Variants in PRXL2A observed in about 807,000 individuals in gnomAD.
PRXL2A encodes peroxiredoxin-like 2A.
A neutral mutation model predicts 25.6 loss-of-function variants in PRXL2A; 26 were observed. The ratio of observed to expected loss-of-function variants is 1.02; its 90% CI spans 0.74 to 1.41. The LOEUF (loss-of-function observed/expected upper bound fraction) is 1.41. Among genes scored for constraint, PRXL2A ranks in the 40% most tolerant of loss-of-function variants. The pLI is 0.00. For synonymous variants in PRXL2A, 98 were observed against 102.9 expected (o/e 0.95, Z 0.29); for missense variants, 246 against 273.9 (o/e 0.90, Z 0.72).
chr10:80,413,494 A>G (rs1431337268), intron 1 of PRXL2A, among the ~76,000 whole-genome samples: 1 of 152,130 alleles, frequency 6.6e-6, no homozygotes, highest in Non-Finnish European at 1.5e-5. Context: ...AGAAAAGGAC[A>G]TCTTCTTTTA....
intron 2 of PRXL2A, 26 bp from the exon 3 acceptor site, chr10:80,422,390 AT>A (rs770653899): frequency 6.3e-7 from 1 of 1,577,750 alleles, no homozygotes; most frequent in African/African-American, 1.3e-5. Context: ...GGGAGGAGAT[AT>A]CGAATTTCTT....
At chr10:80,424,599 C>T (rs1031057310) in intron 3 of PRXL2A, among the ~76,000 whole-genome samples, 19 of 148,992 alleles carry the variant, frequency 1.3e-4, no homozygotes, top group Non-Finnish European at 1.2e-4. Context: ...GGTGCAGTGG[C>T]TCACACCTGT....
intron 1 of PRXL2A, among the ~76,000 whole-genome samples, chr10:80,410,977 A>G (rs1844460818): frequency 6.6e-6 from 1 of 152,204 alleles, no homozygotes; most frequent in Non-Finnish European, 1.5e-5. Flanking sequence ...ATCTATTCAG[A>G]GGTTTCTGAA....
chr10:80,412,902 A>G (rs1844521126), intron 1 of PRXL2A, among the ~76,000 whole-genome samples: 2 of 152,170 alleles, frequency 1.3e-5, no homozygotes, highest in Non-Finnish European at 2.9e-5. Context: ...CGCTCTGACT[A>G]CGGCTTGGAA....
chr10:80,420,088 G>T, intron 1 of PRXL2A: 1 of 988,562 alleles, frequency 1.0e-6, no homozygotes, highest in Non-Finnish European at 1.2e-6. Context: ...AGGCATTGAT[G>T]AGGAGGGGAA....
At chr10:80,425,184 A>G (rs907178043) in intron 3 of PRXL2A, among the ~76,000 whole-genome samples, 3 of 152,368 alleles carry the variant, frequency 2.0e-5, no homozygotes, top group East Asian at 1.9e-4. Context: ...AAGCTTTACC[A>G]TGACTCATGC....
intron 3 of PRXL2A, among the ~76,000 whole-genome samples, chr10:80,423,879 C>T (rs965550094): frequency 6.6e-6 from 1 of 152,222 alleles, no homozygotes; most frequent in Non-Finnish European, 1.5e-5. Flanking sequence ...TGCATTCCTT[C>T]TGAAGACTAT....
chr10:80,422,386 A>G, intron 2 of PRXL2A, 31 bp from the exon 3 acceptor site: 1 of 1,543,932 alleles, frequency 6.5e-7, no homozygotes, highest in Non-Finnish European at 9.0e-7. Context: ...GGCTGGGAGG[A>G]GATATCGAAT....
chr10:80,413,510 G>A (rs73305108), intron 1 of PRXL2A, among the ~76,000 whole-genome samples: 5,117 of 152,264 alleles, frequency 0.034, 283 homozygotes, highest in African/African-American at 0.12. Flanking sequence ...TTTTATTTGC[G>A]CTAGTATGAC....
chr10:80,428,965 G>A (rs1252265713), intron 5 of PRXL2A, among the ~76,000 whole-genome samples: 1 of 151,818 alleles, frequency 6.6e-6, no homozygotes, highest in Non-Finnish European at 1.5e-5. Flanking sequence ...GCAGTGGTGC[G>A]ATCTCGGCTC....
chr10:80,433,916 G>A lies in PRXL2A; in HGVS notation c.*1817G>A, dbSNP rs1171916547. ...GGAAGTCGAGGTAGAAGGATCACTT[G>A]AGGTCAGGAGTTCGAGACCAGCCTG... On this transcript the variant is annotated 3_prime_UTR_variant, in exon 6 of 6. Transcript: ENST00000606162. 1 of 152,266 alleles carries A rather than the reference G, an allele frequency of 6.6e-6. No homozygotes were observed. The highest frequency in any genetic ancestry group is 1.5e-5 in the Non-Finnish European group (1 of 68,082). 9.4% of individuals were successfully genotyped at this position (152,266 alleles called of 1,614,324 possible). A position where few individuals can be genotyped will look rare whatever the true frequency, so the allele number is the denominator to read the frequency against.
intron 1 of PRXL2A, among the ~76,000 whole-genome samples, chr10:80,419,273 C>T (rs1201596654): frequency 6.6e-6 from 1 of 151,238 alleles, no homozygotes. Context: ...CATGACCCAC[C>T]GTGCCCTGCC....
At chr10:80,430,079 T>C (rs1335981676) in intron 5 of PRXL2A, among the ~76,000 whole-genome samples, 1 of 137,960 alleles carries the variant, frequency 7.2e-6, no homozygotes, top group Non-Finnish European at 1.6e-5. Context: ...ATTGGGGTGG[T>C]GGGGATTTCC....
Position 80,436,015 on chromosome 10 carries a change from C to T in PRXL2A, c.*3916C>T, listed in dbSNP as rs1307633820. 1 of 151,516 alleles carries T rather than the reference C, an allele frequency of 6.6e-6. No individual in the cohort carries two copies. The highest frequency in any genetic ancestry group is 2.4e-5 in the African/African-American group (1 of 41,212). The allele number at this position is 151,516 out of a possible 1,614,324, so 9.4% of individuals were successfully genotyped here. ...TCCTTGCTGTAAAGCTGGTGGTTCT[C>T]AATCTCGGATACACAGTAGAATCAC... is the stretch of plus-strand genomic sequence containing the variant. On this transcript the variant is annotated 3_prime_UTR_variant, in exon 6 of 6. Transcript: ENST00000606162.
intron 3 of PRXL2A, among the ~76,000 whole-genome samples, chr10:80,424,571 CA>C (rs35230786): frequency 1.1e-3 from 143 of 133,078 alleles, no homozygotes; most frequent in Middle Eastern, 4.3e-3. Flanking sequence ...GGGCAAGACT[CA>C]AAAAAAAAAA....
rs1845380470 is a variant in PRXL2A, at chr10:80,435,514, G to A, written c.*3415G>A. On this transcript the variant is annotated 3_prime_UTR_variant, in exon 6 of 6. Coordinates refer to ENST00000606162, the MANE Select transcript of PRXL2A (RefSeq NM_032333.5). ...TTCTTTATGTACAGGGTCTTGCTCT[G>A]TCACCTAGGCTAGAGTGTAATTAGT... The A allele has an allele frequency of 6.6e-6, 1 of 151,538 alleles. No homozygotes were observed. Among genetic ancestry groups the A allele is most frequent in the Non-Finnish European group, 1.5e-5 (1 of 67,970 alleles). The allele number at this position is 151,538 out of a possible 1,614,324, so 9.4% of individuals were successfully genotyped here.
chr10:80,430,130 C>T (rs566742591), intron 5 of PRXL2A, among the ~76,000 whole-genome samples: 3 of 125,130 alleles, frequency 2.4e-5, no homozygotes, highest in African/African-American at 8.7e-5. Flanking sequence ...GACAGAGGTT[C>T]ACTCTTGTTG....
At chr10:80,414,004 G>A (rs1411260255) in intron 1 of PRXL2A, 4 of 387,496 alleles carry the variant, frequency 1.0e-5, no homozygotes, top group Non-Finnish European at 1.5e-5. Flanking sequence ...GGGCGGTGGG[G>A]GCAGTGTTGA....
rs776269790 is a variant in PRXL2A at position 80,420,639 on chromosome 10, G to C, written c.172G>C (p.Glu58Gln). 6.2e-7 allele frequency: 1 copy of C among 1,605,288 alleles called. No homozygotes were observed. Among genetic ancestry groups the C allele is most frequent in the South Asian group, 1.1e-5 (1 of 89,642 alleles). Residue 58 changes from glutamate to glutamine, a missense_variant, in exon 2 of 6, where the codon GAG becomes CAG. Physicochemically the swap from Glu to Gln is conservative, Grantham distance 29. Coordinates refer to ENST00000606162, the MANE Select transcript of PRXL2A (RefSeq NM_032333.5). ...GGAGGATATAGACCTGAAAACACTGGAGAAGGGTAAGTGGTGACCCTTCAG... is the reference window on the plus strand; with the variant it reads ...GGAGGATATAGACCTGAAAACACTGCAGAAGGGTAAGTGGTGACCCTTCAG... ...YLEDIDLKTL[E>Q]KEPRTFKAKE...
Sources: allele counts gnomAD v4.1 joint callset (sites outside exome capture counted in the v4.1 genomes callset), GRCh38; gene constraint gnomAD v4.1.1; transcripts MANE v1.5; gene names NCBI Gene and HGNC (gene_info 2026-07-23, HGNC 2026-07-21).